The following ACTN1 variants were observed in gnomAD, a reference collection of about 807,000 sequenced individuals.
The protein encoded by ACTN1 is actinin alpha 1.
In ACTN1, 30 loss-of-function variants were observed where a neutral mutation model predicts 119.6. The ratio of observed to expected loss-of-function variants is 0.25; its 90% confidence interval spans 0.19 to 0.34. The LOEUF (loss-of-function observed/expected upper bound fraction) is 0.34. Among genes scored for constraint, ACTN1 ranks in the 10% least tolerant of loss-of-function variants. The pLI is 1.00. For missense variants in ACTN1, 764 were observed against 1,223.4 expected (o/e 0.62, Z 5.60); for synonymous variants, 429 against 472.6 (o/e 0.91, Z 1.20).
At chr14:68,932,989 G>C (rs991129298) in intron 1 of ACTN1, among the ~76,000 whole-genome samples, 1 of 152,114 alleles carries the variant, frequency 6.6e-6, no homozygotes. Context: ...ATCCTCTCCT[G>C]AGTGCTTTAC....
chr14:68,928,134 T>C lies in ACTN1; in HGVS notation c.106-2462A>G, dbSNP rs556748822. ...AGCCCACCCGCCCAGCTGGGGGCTA[T>C]AAATTCTCACTGTTTACTACCCAGT... is the stretch of plus-strand genomic sequence containing the variant. On this transcript the variant is annotated intron_variant, in intron 1 of 21. Transcript: ENST00000394419. Among the ~76,000 whole-genome samples the C allele has an allele frequency of 5.9e-5, 9 of 152,298 alleles. No individual in the cohort carries two copies. In the East Asian group the frequency reaches 1.7e-3, roughly 29 times the overall value.
At chr14:68,927,866 C>T (rs565194082) in intron 1 of ACTN1, among the ~76,000 whole-genome samples, 21 of 152,332 alleles carry the variant, frequency 1.4e-4, no homozygotes, top group Admixed American at 4.6e-4. Context: ...CACTGGTCTG[C>T]CCAGTGTCTT....
chr14:68,909,133 A>T lies in ACTN1; in HGVS notation c.594+185T>A, dbSNP rs541534069. On this transcript the variant is annotated intron_variant, in intron 6 of 21. Transcript: ENST00000394419. This position sits in a 1 kb window ranked among gnomAD's most constrained non-coding sequence, Gnocchi z 4.1. ...TACACACACACCACGCACAAGGGTA[A>T]TGAAGTTGCCCTAACAGGGAAGGTG... Among the ~76,000 whole-genome samples, 1 of 152,300 alleles carries T rather than the reference A, an allele frequency of 6.6e-6. No homozygotes were observed. Among genetic ancestry groups the T allele is most frequent in the South Asian group, 2.1e-4 (1 of 4,828 alleles).
intron 1 of ACTN1, among the ~76,000 whole-genome samples, chr14:68,930,930 C>T (rs926576657): frequency 3.3e-5 from 5 of 152,210 alleles, no homozygotes; most frequent in Non-Finnish European, 7.3e-5. Context: ...AGGTGTTAGG[C>T]ACCATCCAAG....
chr14:68,963,932 T>C (rs2036620468), intron 1 of ACTN1, among the ~76,000 whole-genome samples: 1 of 152,196 alleles, frequency 6.6e-6, no homozygotes, highest in Non-Finnish European at 1.5e-5. Context: ...TTAAAAAAAT[T>C]CATTCATTTA....
chr14:68,887,839 A>T, intron 11 of ACTN1: 3 of 852,404 alleles, frequency 3.5e-6, no homozygotes, highest in Non-Finnish European at 6.1e-6. Flanking sequence ...GACTCTCCTC[A>T]CTTTTCATTT....
chr14:68,920,990 C>A lies in ACTN1; in HGVS notation c.340+16G>T. On this transcript the variant is annotated intron_variant, in intron 3 of 21. Coordinates refer to ENST00000394419, the MANE Select transcript of ACTN1 (RefSeq NM_001130004.2). Reference sequence around the variant, plus strand: ...AGAAAATCAGGCTCCTTGGGGCCACCAGAGGTAGGCCTTACCTTCGGCTCC... The same window carrying A: ...AGAAAATCAGGCTCCTTGGGGCCACAAGAGGTAGGCCTTACCTTCGGCTCC... 1 of 1,613,360 alleles carries A rather than the reference C, an allele frequency of 6.2e-7. No homozygotes were observed. The highest frequency in any genetic ancestry group is 1.3e-5 in the African/African-American group (1 of 75,004).
At position 68,878,589 on chromosome 14, in the gene ACTN1, C is replaced by T. The variant is rs1255967655; in HGVS notation, c.2362-66G>A. ...AAGGCAGGAAGAGGAAGGGCCGGCC[C>T]GGGGCCAGGAAGACAGGAACAGATG... On this transcript the variant is annotated intron_variant, in intron 19 of 21. Transcript: ENST00000394419. The surrounding 1 kb of genome is among the most constrained non-coding windows in gnomAD (Gnocchi z 4.4). 1 of 1,604,506 alleles carries T rather than the reference C, an allele frequency of 6.2e-7. No homozygotes were observed. Among genetic ancestry groups the T allele is most frequent in the Non-Finnish European group, 8.5e-7 (1 of 1,175,602 alleles).
At chr14:68,901,249 G>GTTT (rs564351239) in intron 8 of ACTN1, among the ~76,000 whole-genome samples, 45 of 103,498 alleles carry the variant, frequency 4.3e-4, no homozygotes, top group Middle Eastern at 5.6e-3. Flanking sequence ...TTTTTGTTTT[G>GTTT]TTTTTTTTTT....
At position 68,885,658 on chromosome 14, in the gene ACTN1, G is replaced by A; in HGVS notation, c.1235-83C>T. Reference sequence around the variant, plus strand: ...AACCGCCCACCCCTCAGGGCCCCAGGAGCTCCACTTCTGGGGGTGCTTCTC... The same window carrying A: ...AACCGCCCACCCCTCAGGGCCCCAGAAGCTCCACTTCTGGGGGTGCTTCTC... On this transcript the variant is annotated intron_variant, in intron 11 of 21. Coordinates refer to ENST00000394419, the MANE Select transcript of ACTN1 (RefSeq NM_001130004.2). This position sits in a 1 kb window ranked among gnomAD's most constrained non-coding sequence, Gnocchi z 5.6. 7 of 1,480,370 alleles carry A rather than the reference G, an allele frequency of 4.7e-6. No homozygotes were observed. Among genetic ancestry groups the A allele is most frequent in the South Asian group, 3.7e-5 (3 of 81,576 alleles). 91.7% of individuals were successfully genotyped at this position (1,480,370 alleles called of 1,614,324 possible).
rs750058307 is a variant in ACTN1, at chr14:68,882,409, G to A, written c.1953+49C>T. 50 of 1,594,022 alleles carry A rather than the reference G, an allele frequency of 3.1e-5. 3 individuals are homozygous for A. The highest frequency in any genetic ancestry group is 1.5e-4 in the South Asian group (13 of 88,894). ...CAGCCTGGCTGGCTAGGATAGTGTC[G>A]GGGGGGAGGGGTGGGAGCCCCAGCA... On this transcript the variant is annotated intron_variant, in intron 16 of 21. Coordinates refer to ENST00000394419, the MANE Select transcript of ACTN1 (RefSeq NM_001130004.2). This position sits in a 1 kb window ranked among gnomAD's most constrained non-coding sequence, Gnocchi z 4.5.
Position 68,878,248 on chromosome 14 carries a change from CGAG to C in ACTN1, c.2427+207_2427+209del, listed in dbSNP as rs1566586706. On this transcript the variant is annotated intron_variant, in intron 20 of 21. Transcript: ENST00000394419. The surrounding 1 kb of genome is among the most constrained non-coding windows in gnomAD (Gnocchi z 4.4). ...AGATGAAGTGGCACAGAGATTGAGG[CGAG>C]GAGGTCAGGCCTCCCGGATACACAC... The C allele has an allele frequency of 1.8e-6, 1 of 568,584 alleles. No homozygotes were observed. Among genetic ancestry groups the C allele is most frequent in the African/African-American group, 1.9e-5 (1 of 53,684 alleles). The allele number at this position is 568,584 out of a possible 1,614,324, so 35.2% of individuals were successfully genotyped here.
chr14:68,936,839 T>TTA, intron 1 of ACTN1: 1 of 594,562 alleles, frequency 1.7e-6, no homozygotes, highest in South Asian at 1.4e-5. Context: ...TCTGATGCCT[T>TTA]TAAGAGTGGT....
At chr14:68,888,995 T>C (rs572845665) in intron 11 of ACTN1, among the ~76,000 whole-genome samples, 31 of 152,178 alleles carry the variant, frequency 2.0e-4, no homozygotes, top group African/African-American at 7.2e-4. Context: ...ATCTCCAACC[T>C]AAGATCTGAG....
At chr14:68,928,381 G>A (rs2035033810) in intron 1 of ACTN1, among the ~76,000 whole-genome samples, 1 of 152,086 alleles carries the variant, frequency 6.6e-6, no homozygotes, top group Admixed American at 6.6e-5. Context: ...AGGCCCCATA[G>A]ATTACTGCCT....
At chr14:68,962,416 C>T (rs1278222449) in intron 1 of ACTN1, among the ~76,000 whole-genome samples, 1 of 152,180 alleles carries the variant, frequency 6.6e-6, no homozygotes, top group African/African-American at 2.4e-5. Flanking sequence ...CCTCCACAGC[C>T]GCCTTCCCAG....
At chr14:68,934,520 G>A (rs751154102) in intron 1 of ACTN1, among the ~76,000 whole-genome samples, 4 of 152,252 alleles carry the variant, frequency 2.6e-5, no homozygotes, top group South Asian at 2.1e-4. Flanking sequence ...GTGGGCAGGC[G>A]ATTGGTACAA....
chr14:68,904,191 T>C (rs1309719233), intron 7 of ACTN1, among the ~76,000 whole-genome samples: 1 of 151,552 alleles, frequency 6.6e-6, no homozygotes, highest in Admixed American at 6.6e-5. Context: ...GGGTTACAGA[T>C]GAGAAAAACA....
At chr14:68,890,725 T>C in intron 10 of ACTN1, among the ~76,000 whole-genome samples, 1 of 152,234 alleles carries the variant, frequency 6.6e-6, no homozygotes, top group East Asian at 1.9e-4. Context: ...CCCACTGTCC[T>C]GGATCCATTC....
Sources: gnomAD v4.1 joint callset for allele counts (sites outside exome capture counted in the v4.1 genomes callset) on GRCh38, gnomAD v4.1.1 for gene constraint, Gnocchi (gnomAD v3.1) non-coding constraint, MANE v1.5 for transcripts, NCBI Gene and HGNC (gene_info 2026-07-23, HGNC 2026-07-21) for gene names.